The following CCDC141 variants were observed in gnomAD, a reference collection of about 807,000 sequenced individuals.
CCDC141 encodes coiled-coil domain containing 141, also known as coiled-coil domain-containing protein 141.
CCDC141 carries 168 observed loss-of-function variants against 181.0 expected under a neutral mutation model. That is an observed-to-expected ratio of 0.93 (90% confidence interval 0.82 to 1.05). CCDC141 has a LOEUF of 1.05. Among genes scored for constraint, CCDC141 ranks in the 50% least tolerant of loss-of-function variants. The pLI is 0.00. For missense variants in CCDC141, 1,902 were observed against 1,788.5 expected, an observed-to-expected ratio of 1.06 and a Z score of -1.14; for synonymous variants, 666 against 642.3, an observed-to-expected ratio of 1.04 and a Z score of -0.56.
the CCDC141 span, among the ~76,000 whole-genome samples, chr2:178,819,204 A>G: frequency 6.6e-6 from 1 of 152,198 alleles, no homozygotes; most frequent in Non-Finnish European, 1.5e-5. Context: ...CCAAAAAATG[A>G]TAACCTACAC....
At chr2:178,986,542 T>C (rs1203373242) in intron 2 of CCDC141, among the ~76,000 whole-genome samples, 1 of 152,132 alleles carries the variant, frequency 6.6e-6, no homozygotes, top group Admixed American at 6.5e-5. Context: ...TGTTTGCAGA[T>C]GACATGATTG....
chr2:178,854,321 G>A (rs1456027349), intron 19 of CCDC141, among the ~76,000 whole-genome samples: 10 of 152,024 alleles, frequency 6.6e-5, no homozygotes, highest in Admixed American at 1.3e-4. Flanking sequence ...TCAGGAGATC[G>A]AGACCATCCT....
intron 2 of CCDC141, among the ~76,000 whole-genome samples, chr2:179,011,929 A>G (rs1182788029): frequency 2.0e-5 from 3 of 152,194 alleles, no homozygotes; most frequent in Non-Finnish European, 2.9e-5. Context: ...CTGGATGACA[A>G]TAATGACACA....
chr2:179,031,941 T>G (rs753323280), intron 2 of CCDC141, among the ~76,000 whole-genome samples: 5 of 152,116 alleles, frequency 3.3e-5, no homozygotes, highest in Non-Finnish European at 7.4e-5. Flanking sequence ...ATTTGAGAGC[T>G]TGTGGTTCTT....
intron 5 of CCDC141, among the ~76,000 whole-genome samples, chr2:178,947,777 G>A (rs1689792444): frequency 6.6e-6 from 1 of 152,222 alleles, no homozygotes; most frequent in Admixed American, 6.5e-5. Context: ...CAATACGGTA[G>A]CCTCTCATCA....
intron 2 of CCDC141, among the ~76,000 whole-genome samples, chr2:178,988,213 G>C (rs376555516): frequency 2.0e-5 from 3 of 150,908 alleles, no homozygotes; most frequent in African/African-American, 7.3e-5. Flanking sequence ...GTAAACTATC[G>C]CAAGAACAAA....
intron 2 of CCDC141, among the ~76,000 whole-genome samples, chr2:179,000,055 T>C (rs963612818): frequency 5.5e-5 from 8 of 144,262 alleles, no homozygotes; most frequent in South Asian, 2.4e-4. Context: ...TTCATCACCA[T>C]ACACACACAC....
intron 14 of CCDC141, among the ~76,000 whole-genome samples, chr2:178,870,427 A>T (rs1686065863): frequency 6.6e-6 from 1 of 152,172 alleles, no homozygotes; most frequent in South Asian, 2.1e-4. Flanking sequence ...CATCACAGTG[A>T]CAGGGCTAAA....
intron 9 of CCDC141, 78 bp downstream of exon 9, chr2:178,888,449 C>A: frequency 7.4e-7 from 1 of 1,358,326 alleles, no homozygotes; most frequent in Non-Finnish European, 1.0e-6. Flanking sequence ...CCTGTCCTCC[C>A]GCCATGCCCA....
chr2:178,828,348 C>T (rs1684155680), downstream of CCDC141, among the ~76,000 whole-genome samples: 1 of 152,134 alleles, frequency 6.6e-6, no homozygotes, highest in Admixed American at 6.5e-5. Flanking sequence ...CCCCAGTCAC[C>T]ACCCCTAAGT....
At position 179,031,201 on chromosome 2, in the gene CCDC141, CTTGT is replaced by C. The variant is rs545649369; in HGVS notation, c.225+16079_225+16082del. On this transcript the variant is annotated intron_variant, in intron 2 of 23. Coordinates refer to ENST00000443758, the MANE Select transcript of CCDC141 (RefSeq NM_173648.4). ...TAAACATATTATTAAATTATTTTCACTTGTTTTTTTTTTTCTTCTTGAGTAGTTT... is the reference window on the plus strand; with the variant it reads ...TAAACATATTATTAAATTATTTTCACTTTTTTTTTTCTTCTTGAGTAGTTT... Among the ~76,000 whole-genome samples the C allele has an allele frequency of 3.3e-3, 347 of 105,052 alleles. 2 individuals carry two copies. The highest frequency in any genetic ancestry group is 8.7e-3 in the African/African-American group (319 of 36,612). The allele number at this position is 105,052 out of a possible 152,430, so 68.9% of individuals were successfully genotyped here.
In CCDC141 at chr2:179,049,858, G is replaced by A. The variant is rs771783998; in HGVS notation, c.84C>T (p.Ile28=). Residue 28 remains isoleucine, a synonymous_variant, in exon 1 of 24, where the codon ATC becomes ATT. Coordinates refer to ENST00000443758, the MANE Select transcript of CCDC141 (RefSeq NM_173648.4). The stretch of plus-strand genomic sequence containing the variant: ...AGCTTACCTTTATGACAGCTATAAC[G>A]ATTTTGGAGTCCCCAGCCTGCACAG... ...SVAVQAGDSK[I]VIAVIKCGKW... 32 of 1,550,634 alleles carry A rather than the reference G, an allele frequency of 2.1e-5. No individual in the cohort carries two copies. The highest frequency in any genetic ancestry group is 3.3e-4 in the Middle Eastern group (2 of 6,014).
intron 7 of CCDC141, among the ~76,000 whole-genome samples, chr2:178,911,542 T>C (rs1441370743): frequency 6.6e-6 from 1 of 152,318 alleles, no homozygotes; most frequent in East Asian, 1.9e-4. Flanking sequence ...TATTTTACAC[T>C]CCAACTGTAT....
intron 7 of CCDC141, among the ~76,000 whole-genome samples, chr2:178,910,315 A>C (rs1688165707): frequency 1.3e-5 from 2 of 152,222 alleles, no homozygotes; most frequent in African/African-American, 4.8e-5. Flanking sequence ...CAACTTGAAG[A>C]GAGTCAACAT....
chr2:178,850,021 A>G (rs1685096326), intron 21 of CCDC141, 28 bp downstream of exon 21: 1 of 1,228,872 alleles, frequency 8.1e-7, no homozygotes, highest in Non-Finnish European at 1.2e-6. Context: ...TTTGCTTGAA[A>G]ATACATATTC....
chr2:178,975,433 A>T (rs189360079), intron 3 of CCDC141, among the ~76,000 whole-genome samples: 12 of 152,240 alleles, frequency 7.9e-5, no homozygotes, highest in African/African-American at 2.9e-4. Context: ...GAAATAAACC[A>T]ACCTGTTTAC....
chr2:178,982,733 C>G lies in CCDC141; in HGVS notation c.226-4058G>C, dbSNP rs1353623682. On this transcript the variant is annotated intron_variant, in intron 2 of 23. Coordinates refer to ENST00000443758, the MANE Select transcript of CCDC141 (RefSeq NM_173648.4). Reference sequence around the variant, plus strand: ...GGCACCTGGAGAATCGGGTCACTCCCACCCGAATACTGAGCTTTTCTGACG... The same window carrying G: ...GGCACCTGGAGAATCGGGTCACTCCGACCCGAATACTGAGCTTTTCTGACG... Among the ~76,000 whole-genome samples, 3 of 152,292 alleles carry G rather than the reference C, an allele frequency of 2.0e-5. No homozygotes were observed. In the East Asian group the frequency reaches 5.8e-4, roughly 29 times the overall value.
chr2:178,906,062 A>C (rs998383039), intron 7 of CCDC141, among the ~76,000 whole-genome samples: 3 of 152,158 alleles, frequency 2.0e-5, no homozygotes, highest in African/African-American at 7.2e-5. Flanking sequence ...CTGTCTTCAG[A>C]AGAGATTAGA....
intron 2 of CCDC141, among the ~76,000 whole-genome samples, chr2:178,986,208 A>G (rs1691725410): frequency 6.6e-6 from 1 of 152,234 alleles, no homozygotes; most frequent in South Asian, 2.1e-4. Context: ...AGAGCCAAAG[A>G]CAAAAACCAC....
Sources: allele counts gnomAD v4.1 joint callset (sites outside exome capture counted in the v4.1 genomes callset), GRCh38; gene constraint gnomAD v4.1.1; transcripts MANE v1.5; gene names NCBI Gene and HGNC (gene_info 2026-07-23, HGNC 2026-07-21).